Variants in IQCM observed in about 807,000 individuals in gnomAD.
IQCM encodes IQ domain-containing protein M.
IQCM carries 45 observed loss-of-function variants against 57.6 expected under a neutral mutation model. The observed-to-expected ratio is 0.78, with a 90% CI of 0.62 to 1.00. IQCM has a LOEUF of 1.00. IQCM is among the 50% of genes least tolerant of loss of function. IQCM has a pLI of 0.00. For synonymous variants in IQCM, 148 were observed against 158.9 expected, an observed-to-expected ratio of 0.93 and a Z score of 0.51; for missense variants, 468 against 511.6, an observed-to-expected ratio of 0.91 and a Z score of 0.82.
intron 5 of IQCM, among the ~76,000 whole-genome samples, chr4:149,723,810 G>C (rs1765657390): frequency 6.6e-6 from 1 of 152,054 alleles, no homozygotes; most frequent in East Asian, 1.9e-4. Context: ...CATAGAATGA[G>C]TTAGGGTGGA....
intron 12 of IQCM, among the ~76,000 whole-genome samples, chr4:149,493,755 C>T (rs1742349769): frequency 6.6e-6 from 1 of 151,382 alleles, no homozygotes; most frequent in South Asian, 2.1e-4. Context: ...TCTGCAAACA[C>T]ACAGAAAAAT....
intron 2 of IQCM, among the ~76,000 whole-genome samples, chr4:149,743,628 G>T (rs1203543365): frequency 6.6e-6 from 1 of 152,114 alleles, no homozygotes; most frequent in Non-Finnish European, 1.5e-5. Flanking sequence ...TGGCATTTTT[G>T]AAAGTTTCCC....
intron 13 of IQCM, among the ~76,000 whole-genome samples, chr4:149,392,272 T>C (rs577449110): frequency 6.6e-6 from 1 of 152,124 alleles, no homozygotes; most frequent in Admixed American, 6.6e-5. Flanking sequence ...TATTCACACT[T>C]TTGGTTGGGC....
chr4:149,649,211 GA>G (rs1758938576), intron 7 of IQCM, among the ~76,000 whole-genome samples: 2 of 151,838 alleles, frequency 1.3e-5, no homozygotes, highest in African/African-American at 4.8e-5. Context: ...TTTTCTTAAG[GA>G]GGGGTCCTTT....
chr4:149,443,310 CAT>C (rs1407299802), intron 12 of IQCM, among the ~76,000 whole-genome samples: 2 of 152,022 alleles, frequency 1.3e-5, no homozygotes, highest in African/African-American at 4.8e-5. Flanking sequence ...AACTGGAAAT[CAT>C]AGTCTAGTCA....
chr4:149,576,511 C>T (rs1177833438), intron 9 of IQCM, among the ~76,000 whole-genome samples: 1 of 151,658 alleles, frequency 6.6e-6, no homozygotes, highest in Non-Finnish European at 1.5e-5. Flanking sequence ...TTTTTTGTTC[C>T]CAGATTAATC....
intron 10 of IQCM, among the ~76,000 whole-genome samples, chr4:149,555,938 G>A (rs1241451648): frequency 3.9e-5 from 6 of 152,112 alleles, no homozygotes; most frequent in African/African-American, 7.2e-5. Context: ...GGTTACCTAG[G>A]GCTTTTCATG....
chr4:149,598,953 T>C (rs1754021249), intron 8 of IQCM, among the ~76,000 whole-genome samples: 1 of 152,080 alleles, frequency 6.6e-6, no homozygotes. Context: ...TAATCAGTTA[T>C]AGAGCTCCCA....
intron 2 of IQCM, among the ~76,000 whole-genome samples, chr4:149,797,242 T>C (rs1270925195): frequency 2.6e-5 from 4 of 152,028 alleles, no homozygotes; most frequent in Admixed American, 6.6e-5. Flanking sequence ...AAGAATCAAG[T>C]AGAAATTCTG....
intron 7 of IQCM, among the ~76,000 whole-genome samples, chr4:149,622,883 G>T (rs919185941): frequency 6.6e-6 from 1 of 152,070 alleles, no homozygotes; most frequent in Non-Finnish European, 1.5e-5. Context: ...AGATAATCAT[G>T]CTTCTCTTTC....
chr4:149,615,745 G>A (rs984417440), intron 8 of IQCM, among the ~76,000 whole-genome samples: 2 of 152,132 alleles, frequency 1.3e-5, no homozygotes, highest in Admixed American at 6.5e-5. Flanking sequence ...GTTGTAAAGA[G>A]TTCTTCTAAG....
chr4:149,778,212 T>C (rs1020591439), intron 2 of IQCM, among the ~76,000 whole-genome samples: 2 of 152,170 alleles, frequency 1.3e-5, no homozygotes, highest in Non-Finnish European at 1.5e-5. Flanking sequence ...CCATCTCTAC[T>C]AAAAATACAA....
chr4:149,423,723 T>C (rs1267819915), intron 13 of IQCM, among the ~76,000 whole-genome samples: 5 of 152,010 alleles, frequency 3.3e-5, no homozygotes, highest in African/African-American at 1.2e-4. Context: ...AACCAATACA[T>C]GAGAGGGAAG....
intron 8 of IQCM, among the ~76,000 whole-genome samples, chr4:149,618,806 T>C (rs1756026859): frequency 6.6e-6 from 1 of 151,894 alleles, no homozygotes; most frequent in African/African-American, 2.4e-5. Context: ...CACATCACAG[T>C]GGCTATTGAA....
chr4:149,619,135 C>T (rs1230225303), intron 8 of IQCM, among the ~76,000 whole-genome samples: 3 of 97,178 alleles, frequency 3.1e-5, no homozygotes, highest in East Asian at 3.6e-4. Flanking sequence ...TATATATACA[C>T]CATGGAATAC....
At chr4:149,456,101 G>A (rs997237391) in intron 12 of IQCM, among the ~76,000 whole-genome samples, 1 of 152,082 alleles carries the variant, frequency 6.6e-6, no homozygotes, top group African/African-American at 2.4e-5. Flanking sequence ...TTTACTTAAT[G>A]TAAGTTTTAC....
intron 2 of IQCM, among the ~76,000 whole-genome samples, chr4:149,758,922 C>A (rs1183986592): frequency 6.7e-6 from 1 of 149,534 alleles, no homozygotes; most frequent in Non-Finnish European, 1.5e-5. Context: ...CATGCTTTGA[C>A]CATGTAATCC....
chr4:149,407,703 T>G (rs1170309655), intron 13 of IQCM, among the ~76,000 whole-genome samples: 3 of 152,218 alleles, frequency 2.0e-5, no homozygotes, highest in Admixed American at 2.0e-4. Context: ...TACCACATTT[T>G]TAATGCAATA....
chr4:149,566,224 T>G (rs1274531438), intron 9 of IQCM, among the ~76,000 whole-genome samples: 1 of 152,156 alleles, frequency 6.6e-6, no homozygotes, highest in African/African-American at 2.4e-5. Context: ...CTATGAAATC[T>G]AAGAGATTCT....
Sources: allele counts gnomAD v4.1 joint callset (sites outside exome capture counted in the v4.1 genomes callset), GRCh38; gene constraint gnomAD v4.1.1; transcripts MANE v1.5; gene names NCBI Gene and HGNC (gene_info 2026-07-23, HGNC 2026-07-21).